The following DCLK1 variants were observed in gnomAD, a reference collection of about 807,000 sequenced individuals.
DCLK1 encodes serine/threonine-protein kinase DCLK1.
A neutral mutation model predicts 86.2 loss-of-function variants in DCLK1; 16 were observed. The ratio of observed to expected loss-of-function variants is 0.19; its 90% CI spans 0.13 to 0.28. DCLK1 has a LOEUF of 0.28. Among genes scored for constraint, DCLK1 ranks in the 10% least tolerant of loss-of-function variants. DCLK1 has a pLI of 1.00. For synonymous variants in DCLK1, 369 were observed against 370.5 expected (o/e 1.00, Z 0.05); for missense variants, 590 against 940.2 (o/e 0.63, Z 4.87).
At chr13:35,775,041 A>G (rs1297985331) in intron 16 of DCLK1, among the ~76,000 whole-genome samples, 2 of 152,110 alleles carry the variant, frequency 1.3e-5, no homozygotes, top group Admixed American at 6.5e-5. Flanking sequence ...CTTCTCTGAA[A>G]AGGGGTGCCT....
At chr13:36,042,210 T>C (rs1433799445) in intron 3 of DCLK1, among the ~76,000 whole-genome samples, 1 of 152,226 alleles carries the variant, frequency 6.6e-6, no homozygotes, top group Non-Finnish European at 1.5e-5. Flanking sequence ...TGTGTGGGAC[T>C]GACACAGGCC....
At chr13:36,060,732 T>C (rs779430358) in intron 3 of DCLK1, among the ~76,000 whole-genome samples, 46 of 152,066 alleles carry the variant, frequency 3.0e-4, no homozygotes, top group Non-Finnish European at 5.3e-4. Flanking sequence ...GCAACAAAAC[T>C]TTCTCTCAAA....
intron 4 of DCLK1, among the ~76,000 whole-genome samples, chr13:35,898,213 TA>T (rs112438036): frequency 3.9e-5 from 6 of 152,276 alleles, no homozygotes; most frequent in African/African-American, 1.2e-4. Flanking sequence ...TTCCTGGAAC[TA>T]AAAAATGTCA....
chr13:35,886,888 G>A (rs1486208412), intron 4 of DCLK1, among the ~76,000 whole-genome samples: 1 of 152,112 alleles, frequency 6.6e-6, no homozygotes. Context: ...GGTTCAATAT[G>A]ACTAAAAGGT....
At chr13:35,943,455 A>C (rs1877195845) in intron 4 of DCLK1, among the ~76,000 whole-genome samples, 1 of 152,172 alleles carries the variant, frequency 6.6e-6, no homozygotes, top group Non-Finnish European at 1.5e-5. Context: ...TCTAAGCAAA[A>C]CAATAGACAT....
chr13:35,989,037 T>C (rs1566634772), intron 3 of DCLK1, among the ~76,000 whole-genome samples: 1 of 152,122 alleles, frequency 6.6e-6, no homozygotes, highest in African/African-American at 2.4e-5. Context: ...ATGTAAATTT[T>C]CAGCAAACAA....
At chr13:35,834,556 G>T (rs1196523302) in intron 8 of DCLK1, among the ~76,000 whole-genome samples, 1 of 152,226 alleles carries the variant, frequency 6.6e-6, no homozygotes, top group Non-Finnish European at 1.5e-5. Flanking sequence ...TTAATTAAAT[G>T]AAATGTCATA....
intron 2 of DCLK1, among the ~76,000 whole-genome samples, chr13:36,124,175 G>A (rs1886088657): frequency 6.6e-6 from 1 of 152,178 alleles, no homozygotes; most frequent in Non-Finnish European, 1.5e-5. Flanking sequence ...TCATGCACCT[G>A]ACTTTGCGTA....
chr13:35,901,491 CAAAAAAAAAA>C (rs58801666), intron 4 of DCLK1, among the ~76,000 whole-genome samples: 3 of 45,872 alleles, frequency 6.5e-5, no homozygotes, highest in Non-Finnish European at 1.0e-4. Context: ...GACTCTGTCT[CAAAAAAAAAA>C]AAAAAAAAAA....
At chr13:36,094,326 C>T (rs1019848299) in intron 3 of DCLK1, among the ~76,000 whole-genome samples, 1 of 152,122 alleles carries the variant, frequency 6.6e-6, no homozygotes, top group Non-Finnish European at 1.5e-5. Flanking sequence ...CTGGCATTAT[C>T]GTCATTTATA....
intron 3 of DCLK1, among the ~76,000 whole-genome samples, chr13:36,001,846 T>A (rs1383160934): frequency 6.6e-6 from 1 of 152,096 alleles, no homozygotes; most frequent in Admixed American, 6.5e-5. Context: ...CTTAATTAAC[T>A]GGGAATGAAA....
intron 1 of DCLK1, among the ~76,000 whole-genome samples, chr13:36,130,591 T>G (rs1466060348): frequency 6.6e-6 from 1 of 152,060 alleles, no homozygotes; most frequent in Non-Finnish European, 1.5e-5. Flanking sequence ...TGAAGGAACT[T>G]GAGACCCTGC....
In DCLK1 at chr13:36,126,119, T is replaced by C. The variant is rs1398280014; in HGVS notation, c.19A>G (p.Met7Val). The C allele has an allele frequency of 6.9e-6, 11 of 1,597,332 alleles. No homozygotes were observed. The South Asian group carries it at 8.9e-5, about 13-fold the overall frequency. The change falls in exon 2 of 17, where the codon ATG becomes GTG. Residue 7 changes from methionine (M) to valine (V), a missense_variant. By Grantham distance (21) the Met-to-Val change is conservative. Around this residue, in one of 6 missense-constraint regions of DCLK1, gnomAD observed 50 missense variants for 47.8 expected, o/e 1.05. Coordinates refer to ENST00000360631, the MANE Select transcript of DCLK1 (RefSeq NM_001330071.2). MSFGRD[M>V]ELEHFDERDK... ...CGCTCGTCGAAGTGCTCCAGCTCCATGTCTCTGCCGAAGGACATGATGGAC... is the reference window on the plus strand; with the variant it reads ...CGCTCGTCGAAGTGCTCCAGCTCCACGTCTCTGCCGAAGGACATGATGGAC...
intron 4 of DCLK1, among the ~76,000 whole-genome samples, chr13:35,941,352 G>A (rs1454276222): frequency 1.3e-5 from 2 of 152,150 alleles, no homozygotes; most frequent in Non-Finnish European, 2.9e-5. Flanking sequence ...ATGAGTCCCA[G>A]GAAAATGGTT....
intron 1 of DCLK1, among the ~76,000 whole-genome samples, chr13:36,130,580 C>G (rs1234566627): frequency 6.6e-6 from 1 of 152,184 alleles, no homozygotes; most frequent in Non-Finnish European, 1.5e-5. Context: ...CTCGCTGTCC[C>G]TGAAGGAACT....
chr13:36,062,834 T>C (rs547365576), intron 3 of DCLK1, among the ~76,000 whole-genome samples: 5 of 152,320 alleles, frequency 3.3e-5, no homozygotes, highest in African/African-American at 1.2e-4. Flanking sequence ...TCGTTCCAAT[T>C]TGATAATCCA....
In DCLK1 at chr13:36,071,525, T is replaced by C. The variant is rs115418938; in HGVS notation, c.723+40344A>G. On this transcript the variant is annotated intron_variant, in intron 3 of 16. Coordinates refer to ENST00000360631, the MANE Select transcript of DCLK1 (RefSeq NM_001330071.2). The stretch of plus-strand genomic sequence containing the variant: ...TCCAAATCCCACATTCTTTCTACTA[T>C]GCTATGTTACTCCATATCAAAGTAT... 6.3e-3 allele frequency among the ~76,000 whole-genome samples: 956 copies of C among 152,322 alleles called. 9 individuals are homozygous for C. The highest frequency in any genetic ancestry group is 0.022 in the African/African-American group (904 of 41,570).
Position 36,112,205 on chromosome 13 carries a change from A to G in DCLK1, c.387T>C (p.Tyr129=). Residue 129 remains tyrosine, a synonymous_variant, in exon 3 of 17, where the codon TAT becomes TAC. Transcript: ENST00000360631. ...TGAAGGGCTCTATGGAGCCACATACATAACTCTCTCCTAAGGAAGAGAGAA... is the reference window on the plus strand; with the variant it reads ...TGAAGGGCTCTATGGAGCCACATACGTAACTCTCTCCTAAGGAAGAGAGAA... ...SLDQLVEGES[Y]VCGSIEPFKK... is the part of the protein sequence containing the mutation. 1 of 1,580,516 alleles carries G rather than the reference A, an allele frequency of 6.3e-7. No homozygotes were observed. Among genetic ancestry groups the G allele is most frequent in the Non-Finnish European group, 8.6e-7 (1 of 1,158,138 alleles).
chr13:35,917,752 A>G (rs1465645117), intron 4 of DCLK1, among the ~76,000 whole-genome samples: 1 of 152,056 alleles, frequency 6.6e-6, no homozygotes, highest in Non-Finnish European at 1.5e-5. Flanking sequence ...GGCATTTTCA[A>G]AATCATTAGT....
Sources: allele counts gnomAD v4.1 joint callset (sites outside exome capture counted in the v4.1 genomes callset), GRCh38; gene constraint gnomAD v4.1.1; regional missense constraint gnomAD v4.1.1; transcripts MANE v1.5; gene names NCBI Gene and HGNC (gene_info 2026-07-23, HGNC 2026-07-21).